ZBTB2: variants seen among roughly 807,000 people sequenced by gnomAD.
ZBTB2 encodes zinc finger and BTB domain-containing protein 2.
Under a neutral mutation model 39.5 loss-of-function variants are expected in ZBTB2, and 2 were observed. That is an observed-to-expected ratio of 0.05 (90% CI 0.02 to 0.16). The LOEUF (loss-of-function observed/expected upper bound fraction) is 0.16, where lower values mean the gene tolerates loss of function less well. Among genes scored for constraint, ZBTB2 ranks in the 10% least tolerant of loss-of-function variants. ZBTB2 has a pLI of 1.00. For synonymous variants in ZBTB2, 251 were observed against 256.6 expected, an observed-to-expected ratio of 0.98 and a Z score of 0.21; for missense variants, 391 against 653.0, an observed-to-expected ratio of 0.60 and a Z score of 4.37.
chr6:151,366,713 G>C lies in ZBTB2; in HGVS notation c.353C>G (p.Ala118Gly), dbSNP rs1308748405. Residue 118 changes from alanine to glycine, a missense_variant, in exon 3 of 3, where the codon GCC (alanine) becomes GGC (glycine). Transcript: ENST00000325144. The surrounding 1 kb of genome is among the most constrained non-coding windows in gnomAD (Gnocchi z 7.1). ...IQEASLASQG[A>G]FSHPDQVFPL... is the part of the protein sequence containing the mutation. ...GAAAACTTGGTCAGGGTGAGAAAAGGCTCCCTGGCTGGCGAGGCTGGCTTC... is the reference window on the plus strand; with the variant it reads ...GAAAACTTGGTCAGGGTGAGAAAAGCCTCCCTGGCTGGCGAGGCTGGCTTC... 1 of 1,614,146 alleles carries C rather than the reference G, an allele frequency of 6.2e-7. No individual in the cohort carries two copies. Among genetic ancestry groups the C allele is most frequent in the Non-Finnish European group, 8.5e-7 (1 of 1,180,014 alleles).
chr6:151,374,801 TA>T (rs34697428), intron 1 of ZBTB2, among the ~76,000 whole-genome samples: 62,718 of 131,620 alleles, frequency 0.48, 17,281 homozygotes, highest in Non-Finnish European at 0.64. Flanking sequence ...AGGCATCTAT[TA>T]AAAAAAAAAA....
intron 2 of ZBTB2, 142 bp downstream of exon 2, chr6:151,373,323 T>C: frequency 3.9e-6 from 3 of 779,090 alleles, no homozygotes; most frequent in Non-Finnish European, 6.2e-6. Flanking sequence ...ACAAGAAGGG[T>C]AGTGGGGGCG....
chr6:151,371,267 A>C (rs187286545), intron 2 of ZBTB2, among the ~76,000 whole-genome samples: 63 of 152,242 alleles, frequency 4.1e-4, no homozygotes, highest in Non-Finnish European at 7.6e-4. Flanking sequence ...GTGGCGGCAA[A>C]GATTTGTAAA....
chr6:151,377,693 C>G (rs1337267239), intron 1 of ZBTB2, among the ~76,000 whole-genome samples: 1 of 151,874 alleles, frequency 6.6e-6, no homozygotes, highest in African/African-American at 2.4e-5. Flanking sequence ...GCGCCCACCA[C>G]CATGCCCAGC....
intron 1 of ZBTB2, among the ~76,000 whole-genome samples, chr6:151,379,017 T>TTA (rs1360275703): frequency 2.0e-5 from 3 of 152,210 alleles, no homozygotes; most frequent in African/African-American, 7.2e-5. Context: ...GGGATTCACT[T>TTA]GGTTAGTTGG....
At chr6:151,383,361 A>G (rs1191681351) in intron 1 of ZBTB2, among the ~76,000 whole-genome samples, 3 of 152,138 alleles carry the variant, frequency 2.0e-5, no homozygotes, top group Non-Finnish European at 4.4e-5. Context: ...ATTATATGCA[A>G]TTGTCAGTTT....
chr6:151,377,330 C>T (rs1406906203), intron 1 of ZBTB2, among the ~76,000 whole-genome samples: 2 of 151,466 alleles, frequency 1.3e-5, no homozygotes, highest in African/African-American at 2.4e-5. Context: ...CTATTTCTTG[C>T]AGCCGCATGA....
rs113438967 is a variant in ZBTB2 at position 151,364,838 on chromosome 6, AT to A, written c.*682del. The A allele has an allele frequency of 0.11, 16,036 of 152,696 alleles. 1,526 individuals are homozygous for A. Among genetic ancestry groups the A allele is most frequent in the African/African-American group, 0.25 (10,542 of 41,516 alleles). The allele number at this position is 152,696 out of a possible 1,614,324, so 9.5% of individuals were successfully genotyped here. A position where few individuals can be genotyped will look rare whatever the true frequency, so the allele number is the denominator to read the frequency against. On this transcript the variant is annotated 3_prime_UTR_variant, in exon 3 of 3. Transcript: ENST00000325144. ...AGGATGTGCATTAATTCACCTGTTT[AT>A]TAGCAAGTACCCACACATTTTTCTC...
intron 1 of ZBTB2, among the ~76,000 whole-genome samples, chr6:151,383,526 G>A (rs1779086739): frequency 6.6e-6 from 1 of 152,130 alleles, no homozygotes; most frequent in African/African-American, 2.4e-5. Flanking sequence ...CTAAGCCAAG[G>A]AATGGCAGTT....
intron 2 of ZBTB2, among the ~76,000 whole-genome samples, chr6:151,368,934 A>AT (rs906635475): frequency 2.2e-5 from 3 of 134,494 alleles, no homozygotes; most frequent in South Asian, 4.7e-4. Flanking sequence ...TAATTTTTGT[A>AT]TTTTTTTTAG....
At position 151,376,946 on chromosome 6, in the gene ZBTB2, T is replaced by C. The variant is rs189375031; in HGVS notation, c.-12-3297A>G. Among the ~76,000 whole-genome samples the C allele has an allele frequency of 3.5e-4, 54 of 152,316 alleles. 1 individual carries two copies. The highest frequency in any genetic ancestry group is 5.0e-4 in the Non-Finnish European group (34 of 68,034). On this transcript the variant is annotated intron_variant, in intron 1 of 2. Transcript: ENST00000325144. ...AATCAAAAACTGGAAACAACTCAGA[T>C]GTCCTTCAATGACTAAATAAACACA...
intron 2 of ZBTB2, among the ~76,000 whole-genome samples, chr6:151,373,009 G>C (rs944719121): frequency 9.9e-5 from 15 of 151,792 alleles, no homozygotes; most frequent in African/African-American, 3.4e-4. Flanking sequence ...AAAAATATTA[G>C]CCGGGCGTGG....
Position 151,366,519 on chromosome 6 carries a change from T to C in ZBTB2, c.547A>G (p.Asn183Asp), listed in dbSNP as rs774863717. The change falls in exon 3 of 3, where the codon AAT becomes GAT. Residue 183 changes from asparagine (N) to aspartate (D), a missense_variant. Physicochemically the swap from Asn to Asp is conservative, Grantham distance 23. Around this residue, in one of 7 missense-constraint regions of ZBTB2, gnomAD observed 175 missense variants for 198.6 expected, o/e 0.88. Coordinates refer to ENST00000325144, the MANE Select transcript of ZBTB2 (RefSeq NM_020861.3). The surrounding 1 kb of genome is among the most constrained non-coding windows in gnomAD (Gnocchi z 7.1). Reference sequence around the variant, plus strand: ...TTTGTCCGATTCACCTGGGCCAGATTTGAAGTCAGCTGGGAGAGCTGTGAG... The same window carrying C: ...TTTGTCCGATTCACCTGGGCCAGATCTGAAGTCAGCTGGGAGAGCTGTGAG... ...EASQLSQLTS[N>D]LAQVNRTNMT... 1.9e-6 allele frequency: 3 copies of C among 1,614,072 alleles called. No individual in the cohort carries two copies. The highest frequency in any genetic ancestry group is 1.7e-6 in the Non-Finnish European group (2 of 1,180,020).
At chr6:151,389,936 T>TA (rs1168239241) in intron 1 of ZBTB2, among the ~76,000 whole-genome samples, 2 of 152,094 alleles carry the variant, frequency 1.3e-5, no homozygotes, top group Non-Finnish European at 2.9e-5. Flanking sequence ...CGGCTTTGTT[T>TA]AAACAAGAAG....
At chr6:151,377,627 G>GT (rs1562768281) in intron 1 of ZBTB2, among the ~76,000 whole-genome samples, 2 of 139,264 alleles carry the variant, frequency 1.4e-5, no homozygotes, top group African/African-American at 5.4e-5. Context: ...TGACACCTCC[G>GT]TTGCTGGGTT....
intron 1 of ZBTB2, among the ~76,000 whole-genome samples, chr6:151,382,579 T>G (rs1189593101): frequency 6.8e-6 from 1 of 147,322 alleles, no homozygotes; most frequent in African/African-American, 2.5e-5. Context: ...AGACAGAGTT[T>G]CGCTCTTGTT....
rs573562481 is a variant in ZBTB2 at position 151,378,884 on chromosome 6, C to T, written c.-12-5235G>A. ...TACATATGCTATTAATTTAATTTCACATCAACTTGAGATATTTGAAGTATT... is the reference window on the plus strand; with the variant it reads ...TACATATGCTATTAATTTAATTTCATATCAACTTGAGATATTTGAAGTATT... On this transcript the variant is annotated intron_variant, in intron 1 of 2. Transcript: ENST00000325144. Among the ~76,000 whole-genome samples the T allele has an allele frequency of 2.6e-5, 4 of 152,334 alleles. No individual in the cohort carries two copies. The East Asian group carries it at 7.7e-4, about 29-fold the overall frequency.
intron 1 of ZBTB2, among the ~76,000 whole-genome samples, chr6:151,379,637 GAAAAAAAA>G (rs61085296): frequency 9.1e-5 from 6 of 65,928 alleles, no homozygotes; most frequent in South Asian, 5.8e-4. Context: ...GACCCTGTCT[GAAAAAAAA>G]AAAAAAAAAA....
At chr6:151,377,886 G>A (rs1366678734) in intron 1 of ZBTB2, 2 of 151,938 alleles carry the variant, frequency 1.3e-5, no homozygotes, top group Non-Finnish European at 2.9e-5. Context: ...TTTTTAAAAA[G>A]TGAGTATGCT....
Sources: allele counts gnomAD v4.1 joint callset (sites outside exome capture counted in the v4.1 genomes callset), GRCh38; gene constraint gnomAD v4.1.1; regional missense constraint gnomAD v4.1.1; non-coding constraint Gnocchi (gnomAD v3.1); transcripts MANE v1.5; gene names NCBI Gene and HGNC (gene_info 2026-07-23, HGNC 2026-07-21).